The following TMEM181 variants were observed in gnomAD, a reference collection of about 807,000 sequenced individuals.
The protein encoded by TMEM181 is G protein-coupled receptor 178.
In TMEM181, 39 loss-of-function variants were observed where a neutral mutation model predicts 71.9. That is an observed-to-expected ratio of 0.54 (90% confidence interval 0.42 to 0.71). The LOEUF is 0.71. Among genes scored for constraint, TMEM181 ranks in the 30% least tolerant of loss-of-function variants. The probability of loss-of-function intolerance (pLI) is 0.00; values close to 1 mark genes in which losing one functional copy is unlikely to be tolerated. For synonymous variants in TMEM181, 245 were observed against 228.8 expected (o/e 1.07, Z -0.64); for missense variants, 595 against 583.0 (o/e 1.02, Z -0.21).
At chr6:158,594,039 C>T (rs564107643) in intron 6 of TMEM181, among the ~76,000 whole-genome samples, 3 of 151,838 alleles carry the variant, frequency 2.0e-5, no homozygotes, top group Admixed American at 1.3e-4. Context: ...CCTGTTCATC[C>T]CTCCCTCCTC....
intron 1 of TMEM181, among the ~76,000 whole-genome samples, chr6:158,538,421 C>T (rs1217389188): frequency 2.0e-5 from 3 of 150,930 alleles, no homozygotes; most frequent in African/African-American, 4.9e-5. Flanking sequence ...TCCCAAAGTA[C>T]TGAGATGACA....
Position 158,629,026 on chromosome 6 carries a change from A to G in TMEM181, c.1192+536A>G, listed in dbSNP as rs545379131. ...GTGTCTGTAGGGAAGAGCTCAGAAA[A>G]TACTGGGACCCCCTTCGATTCCCGC... On this transcript the variant is annotated intron_variant, in intron 14 of 16. Coordinates refer to ENST00000684151, the MANE Select transcript of TMEM181 (RefSeq NM_001376852.1). 2.6e-5 allele frequency among the ~76,000 whole-genome samples: 4 copies of G among 152,258 alleles called. No individual in the cohort carries two copies. In the South Asian group the frequency reaches 6.2e-4, roughly 24 times the overall value.
At chr6:158,565,979 A>G (rs1031711535) in intron 1 of TMEM181, among the ~76,000 whole-genome samples, 6 of 152,146 alleles carry the variant, frequency 3.9e-5, no homozygotes, top group African/African-American at 9.7e-5. Context: ...TTCTATGCCT[A>G]TGTGACTTTG....
At chr6:158,572,368 C>T (rs371040893) in intron 1 of TMEM181, 35 of 456,356 alleles carry the variant, frequency 7.7e-5, no homozygotes, top group African/African-American at 4.6e-4. Flanking sequence ...GTGAGGTGCT[C>T]GGTCTCCTTC....
In TMEM181 at chr6:158,616,028, T is replaced by G. The variant is rs889680229; in HGVS notation, c.896+7278T>G. Among the ~76,000 whole-genome samples, 24 of 152,342 alleles carry G rather than the reference T, an allele frequency of 1.6e-4. 1 individual carries two copies. The highest frequency in any genetic ancestry group is 5.8e-4 in the African/African-American group (24 of 41,568). ...TTTTCCAATTCTGTGAAGAAAGTCC[T>G]TGGTAGCTTAATGTGGATGGCATTG... is the stretch of plus-strand genomic sequence containing the variant. On this transcript the variant is annotated intron_variant, in intron 10 of 16. Transcript: ENST00000684151.
At position 158,607,308 on chromosome 6, in the gene TMEM181, T is replaced by C. The variant is rs1168748540; in HGVS notation, c.638T>C (p.Met213Thr). Residue 213 changes from methionine to threonine, a missense_variant, in exon 8 of 17, where the codon ATG becomes ACG. Physicochemically the swap from Met to Thr is moderately conservative, Grantham distance 81. Coordinates refer to ENST00000684151, the MANE Select transcript of TMEM181 (RefSeq NM_001376852.1). The stretch of plus-strand genomic sequence containing the variant: ...GACTGGGGCATCGAGCAGAAGTGGA[T>C]GTCTGTTCTCCTGCCTCTGCTGCTA... The part of the protein sequence containing the change: ...MRDWGIEQKW[M>T]SVLLPLLLLY... The C allele has an allele frequency of 2.5e-6, 4 of 1,614,094 alleles. No individual in the cohort carries two copies. The African/African-American group carries it at 4.0e-5, about 16-fold the overall frequency.
intron 6 of TMEM181, among the ~76,000 whole-genome samples, chr6:158,592,700 A>G (rs1183692123): frequency 1.3e-5 from 2 of 152,250 alleles, no homozygotes; most frequent in Admixed American, 1.3e-4. Context: ...TGGCCAGGCT[A>G]GTTTCAAACT....
chr6:158,608,980 C>G (rs1182485158), intron 10 of TMEM181, among the ~76,000 whole-genome samples: 2 of 152,100 alleles, frequency 1.3e-5, no homozygotes, highest in Non-Finnish European at 2.9e-5. Context: ...TGCCTGTAGT[C>G]CCAGCTCCCT....
chr6:158,578,650 T>C (rs544675397), intron 2 of TMEM181, among the ~76,000 whole-genome samples: 2 of 152,276 alleles, frequency 1.3e-5, no homozygotes, highest in African/African-American at 2.4e-5. Context: ...GTTATAACTT[T>C]AGGATATTAA....
chr6:158,589,743 T>C lies in TMEM181; in HGVS notation c.453T>C (p.Phe151=), dbSNP rs1430187092. 2 of 1,614,060 alleles carry C rather than the reference T, an allele frequency of 1.2e-6. No homozygotes were observed. Among genetic ancestry groups the C allele is most frequent in the African/African-American group, 2.7e-5 (2 of 74,936 alleles). The change falls in exon 6 of 17, where the codon TTT becomes TTC. Residue 151 remains phenylalanine, a synonymous_variant. Coordinates refer to ENST00000684151, the MANE Select transcript of TMEM181 (RefSeq NM_001376852.1). ...CTCAGTATACAGTGATAGTGGGATT[T>C]GAACACCTGAAGCTCCCCATCAAGG... ...NYTQYTVIVG[F]EHLKLPIKGM...
In TMEM181 at chr6:158,573,481, T is replaced by G. The variant is rs201003165; in HGVS notation, c.70T>G (p.Phe24Val). Residue 24 changes from phenylalanine (F) to valine (V), a missense_variant, in exon 2 of 17, where the codon TTC becomes GTC. Physicochemically the swap from Phe to Val is conservative, Grantham distance 50. Transcript: ENST00000684151. The stretch of plus-strand genomic sequence containing the variant: ...CCACTTTGTCCTCGTGTTTGTCGTC[T>G]TCTTCATCTGCTTTGGCCTGACCAT... ...KRHFVLVFVV[F>V]FICFGLTIFV... 4.3e-4 allele frequency: 691 copies of G among 1,607,342 alleles called. 1 individual carries two copies. The highest frequency in any genetic ancestry group is 9.6e-4 in the African/African-American group (72 of 74,896).
rs373647043 is a variant in TMEM181 at position 158,572,159 on chromosome 6, G to A, written c.9-1261G>A. Among the ~76,000 whole-genome samples, 270 of 152,360 alleles carry A rather than the reference G, an allele frequency of 1.8e-3. 3 individuals are homozygous for A. The highest frequency in any genetic ancestry group is 6.3e-3 in the African/African-American group (260 of 41,584). The stretch of plus-strand genomic sequence containing the variant: ...CTACGTCGCAGAGGTGTTGACTCAC[G>A]GCCTCACCCTGGCCCTGGGACGGGC... On this transcript the variant is annotated intron_variant, in intron 1 of 16. Transcript: ENST00000684151.
At position 158,632,065 on chromosome 6, in the gene TMEM181, A is replaced by C; in HGVS notation, c.*177A>C. The C allele has an allele frequency of 1.6e-6, 1 of 621,222 alleles. No homozygotes were observed. The highest frequency in any genetic ancestry group is 2.8e-6 in the Non-Finnish European group (1 of 358,902). 38.5% of individuals were successfully genotyped at this position (621,222 alleles called of 1,614,324 possible). Reference sequence around the variant, plus strand: ...AGGGTAAATTTAAATGTTTAGCCAAATTTATTGTCATGGTGGCTACGAGAA... The same window carrying C: ...AGGGTAAATTTAAATGTTTAGCCAACTTTATTGTCATGGTGGCTACGAGAA... On this transcript the variant is annotated 3_prime_UTR_variant, in exon 17 of 17. Transcript: ENST00000684151.
At chr6:158,605,131 A>AGTGT (rs71030178) in intron 6 of TMEM181, 136 bp from the exon 7 acceptor site, 4,532 of 160,330 alleles carry the variant, frequency 0.028, 137 homozygotes, top group African/African-American at 0.1. Context: ...AAAAAAAAAA[A>AGTGT]GTGTGTGTGT....
At chr6:158,560,288 A>G in intron 1 of TMEM181, 56 bp downstream of exon 1, 1 of 985,188 alleles carries the variant, frequency 1.0e-6, no homozygotes, top group Non-Finnish European at 1.2e-6. Context: ...TCCGGCCGAA[A>G]GTTGGGGATC....
intron 6 of TMEM181, among the ~76,000 whole-genome samples, chr6:158,598,637 ATTTTTATT>A (rs1784510258): frequency 6.4e-5 from 9 of 140,860 alleles, no homozygotes; most frequent in South Asian, 2.3e-4. Context: ...TTTTTTTTTT[ATTTTTATT>A]TTTTTATTTT....
rs912509112 is a variant in TMEM181, at chr6:158,560,253, G to A, written c.8+21G>A. 1.9e-5 allele frequency: 19 copies of A among 984,240 alleles called. No individual in the cohort carries two copies. The African/African-American group carries it at 3.4e-4, about 17-fold the overall frequency. 61.0% of individuals were successfully genotyped at this position (984,240 alleles called of 1,614,324 possible). A position where few individuals can be genotyped will look rare whatever the true frequency, so the allele number is the denominator to read the frequency against. On this transcript the variant is annotated intron_variant, in intron 1 of 16. Coordinates refer to ENST00000684151, the MANE Select transcript of TMEM181 (RefSeq NM_001376852.1). ...GAGCCGTGAGTCCCCGGCCGAGCGG[G>A]CGGGCTGGCTGGCTCTCCGGACACT...
chr6:158,632,146 G>C lies in TMEM181; in HGVS notation c.*258G>C, dbSNP rs575974845. 4.2e-6 allele frequency: 2 copies of C among 476,600 alleles called. No homozygotes were observed. The highest frequency in any genetic ancestry group is 5.6e-5 in the South Asian group (2 of 36,012). 29.5% of individuals were successfully genotyped at this position (476,600 alleles called of 1,614,324 possible). On this transcript the variant is annotated 3_prime_UTR_variant, in exon 17 of 17. Coordinates refer to ENST00000684151, the MANE Select transcript of TMEM181 (RefSeq NM_001376852.1). ...ATCCTTTTTTACAGAGATTTCAGAT[G>C]AGCGTGTTTTCAGTGATGAGGAAAT... is the stretch of plus-strand genomic sequence containing the variant.
Position 158,571,512 on chromosome 6 carries a change from A to C in TMEM181, c.9-1908A>C, listed in dbSNP as rs552268140. ...ACGGGGTTTCATCGTGTTGGCCAGG[A>C]TGGTCTCAATCTCCTGACCTCGTGA... On this transcript the variant is annotated intron_variant, in intron 1 of 16. Transcript: ENST00000684151. Among the ~76,000 whole-genome samples the C allele has an allele frequency of 8.9e-4, 130 of 145,722 alleles. 19 individuals carry two copies. Among genetic ancestry groups the C allele is most frequent in the Non-Finnish European group, 1.3e-3 (82 of 65,126 alleles).
Sources: gnomAD v4.1 joint callset for allele counts (sites outside exome capture counted in the v4.1 genomes callset) on GRCh38, gnomAD v4.1.1 for gene constraint, MANE v1.5 for transcripts, NCBI Gene and HGNC (gene_info 2026-07-23, HGNC 2026-07-21) for gene names.